SHISA9: variants seen among roughly 807,000 people sequenced by gnomAD.
SHISA9 encodes shisa family member 9.
Under a neutral mutation model 38.0 loss-of-function variants are expected in SHISA9, and 13 were observed. That is an observed-to-expected ratio of 0.34 (90% CI 0.22 to 0.54). The LOEUF (loss-of-function observed/expected upper bound fraction) is 0.54, where lower values mean the gene tolerates loss of function less well. Among genes scored for constraint, SHISA9 ranks in the 20% least tolerant of loss-of-function variants. The probability of loss-of-function intolerance (pLI) is 0.91; values close to 1 mark genes in which losing one functional copy is unlikely to be tolerated. For missense variants in SHISA9, 538 were observed against 575.8 expected, an observed-to-expected ratio of 0.93 and a Z score of 0.67; for synonymous variants, 275 against 242.0, an observed-to-expected ratio of 1.14 and a Z score of -1.27.
At chr16:13,371,951 T>C in the SHISA9 span, among the ~76,000 whole-genome samples, 5 of 152,228 alleles carry the variant, frequency 3.3e-5, no homozygotes, top group African/African-American at 1.2e-4. Flanking sequence ...GCAACACCCG[T>C]GCCACCCATT....
At position 12,927,336 on chromosome 16, in the gene SHISA9, G is replaced by A. The variant is rs1300426477; in HGVS notation, c.691+10521G>A. On this transcript the variant is annotated intron_variant, in intron 2 of 4. Coordinates refer to ENST00000558583, the MANE Select transcript of SHISA9 (RefSeq NM_001145204.3). ...ATGGAGACTTAAACTCATTACTTTA[G>A]GTATTAGGTCTGGAGTTGTGTGCTC... 2.0e-5 allele frequency among the ~76,000 whole-genome samples: 3 copies of A among 152,124 alleles called. No individual in the cohort carries two copies. In the East Asian group the frequency reaches 5.8e-4, roughly 29 times the overall value.
At chr16:13,184,097 T>G (rs2050799408) in intron 2 of SHISA9, among the ~76,000 whole-genome samples, 1 of 152,156 alleles carries the variant, frequency 6.6e-6, no homozygotes, top group African/African-American at 2.4e-5. Context: ...AGGATTGTTC[T>G]GTCCCTCCAC....
chr16:13,556,282 T>C, the SHISA9 span, among the ~76,000 whole-genome samples: 1 of 152,212 alleles, frequency 6.6e-6, no homozygotes, highest in African/African-American at 2.4e-5. Context: ...AGGAAGGTTA[T>C]ATGACTTGCC....
the SHISA9 span, among the ~76,000 whole-genome samples, chr16:13,262,654 AAGGAAGGAAGGAAGGAAGGGAGGG>A: frequency 1.3e-4 from 6 of 47,714 alleles, no homozygotes; most frequent in African/African-American, 1.8e-4. Context: ...GGAAGGAAGG[AAGGAAGGAAGGAAGGAAGGGAGGG>A]AGGAAGGAAG....
intron 2 of SHISA9, among the ~76,000 whole-genome samples, chr16:13,168,273 A>G (rs1177381971): frequency 6.6e-6 from 1 of 152,244 alleles, no homozygotes; most frequent in Non-Finnish European, 1.5e-5. Context: ...AGACCAGGCT[A>G]TGTAGCAGCG....
At chr16:13,104,353 C>T (rs2073906678) in intron 2 of SHISA9, among the ~76,000 whole-genome samples, 1 of 151,934 alleles carries the variant, frequency 6.6e-6, no homozygotes, top group Admixed American at 6.6e-5. Flanking sequence ...CCTAGGCATC[C>T]ACCCAAGAGA....
At chr16:13,377,543 T>C in the SHISA9 span, among the ~76,000 whole-genome samples, 2 of 152,162 alleles carry the variant, frequency 1.3e-5, no homozygotes, top group Admixed American at 6.5e-5. Flanking sequence ...ATGCCACCCA[T>C]GGATTTTGAT....
chr16:13,001,374 G>T (rs1297808279), intron 2 of SHISA9, among the ~76,000 whole-genome samples: 4 of 151,454 alleles, frequency 2.6e-5, no homozygotes, highest in Non-Finnish European at 5.9e-5. Context: ...CACTGACTAA[G>T]GATCGGGGGG....
At chr16:13,393,658 A>C in the SHISA9 span, among the ~76,000 whole-genome samples, 1 of 152,084 alleles carries the variant, frequency 6.6e-6, no homozygotes, top group Non-Finnish European at 1.5e-5. Context: ...TAGAGAATGG[A>C]GGAGAAGTTT....
At chr16:13,552,154 G>T in the SHISA9 span, among the ~76,000 whole-genome samples, 1 of 152,122 alleles carries the variant, frequency 6.6e-6, no homozygotes, top group South Asian at 2.1e-4. Context: ...ATAAGATGCA[G>T]GCTTCTCCAG....
chr16:13,194,933 G>T (rs527928791), intron 2 of SHISA9, among the ~76,000 whole-genome samples: 1 of 152,174 alleles, frequency 6.6e-6, no homozygotes, highest in African/African-American at 2.4e-5. Context: ...ATAATCGAGG[G>T]AGGAAGCTAG....
chr16:13,290,352 T>C, the SHISA9 span, among the ~76,000 whole-genome samples: 1 of 152,166 alleles, frequency 6.6e-6, no homozygotes, highest in South Asian at 2.1e-4. Flanking sequence ...ATCTTCTTGT[T>C]ATTTTTCCCC....
intron 2 of SHISA9, among the ~76,000 whole-genome samples, chr16:13,121,311 A>G (rs2050207990): frequency 6.6e-6 from 1 of 152,026 alleles, no homozygotes; most frequent in African/African-American, 2.4e-5. Flanking sequence ...TAACATAGTG[A>G]TCTCCCCTCT....
intron 2 of SHISA9, among the ~76,000 whole-genome samples, chr16:12,925,297 T>C (rs2141733264): frequency 6.6e-6 from 1 of 152,298 alleles, no homozygotes; most frequent in East Asian, 1.9e-4. Flanking sequence ...GTCTTACGGT[T>C]TTCTTCTCTT....
chr16:13,443,961 G>A, the SHISA9 span, among the ~76,000 whole-genome samples: 2 of 152,168 alleles, frequency 1.3e-5, no homozygotes, highest in African/African-American at 4.8e-5. Context: ...TTCTTGGCCT[G>A]GCAAGGCAAT....
At chr16:13,400,849 T>G in the SHISA9 span, among the ~76,000 whole-genome samples, 4 of 152,230 alleles carry the variant, frequency 2.6e-5, no homozygotes, top group Non-Finnish European at 4.4e-5. Flanking sequence ...TTCTTCCTTA[T>G]GGACACTAAC....
the SHISA9 span, among the ~76,000 whole-genome samples, chr16:13,534,685 C>T: frequency 3.3e-5 from 5 of 152,206 alleles, no homozygotes; most frequent in Non-Finnish European, 7.3e-5. Flanking sequence ...AAAGATGCCA[C>T]ACTCTTCTTC....
At chr16:13,130,748 C>G (rs1459284218) in intron 2 of SHISA9, among the ~76,000 whole-genome samples, 1 of 152,214 alleles carries the variant, frequency 6.6e-6, no homozygotes, top group East Asian at 1.9e-4. Context: ...TGTTCAACCC[C>G]TCAACCCTGC....
the SHISA9 span, among the ~76,000 whole-genome samples, chr16:13,291,738 T>C: frequency 6.6e-6 from 1 of 152,064 alleles, no homozygotes; most frequent in Non-Finnish European, 1.5e-5. Flanking sequence ...AAATTCAAAA[T>C]AGATGTAAAG....
Sources: gnomAD v4.1 joint callset for allele counts (sites outside exome capture counted in the v4.1 genomes callset) on GRCh38, gnomAD v4.1.1 for gene constraint, MANE v1.5 for transcripts, NCBI Gene and HGNC (gene_info 2026-07-23, HGNC 2026-07-21) for gene names.